MAPT: variants seen among roughly 807,000 people sequenced by gnomAD.
MAPT encodes microtubule-associated protein tau.
A neutral mutation model predicts 67.9 loss-of-function variants in MAPT; 34 were observed. The ratio of observed to expected loss-of-function variants is 0.50; its 90% CI spans 0.38 to 0.67. MAPT has a LOEUF of 0.67. Ranked by LOEUF, MAPT falls within the 30% of genes least tolerant of loss-of-function variation. The probability of loss-of-function intolerance (pLI) is 0.00; values close to 1 mark genes in which losing one functional copy is unlikely to be tolerated. For synonymous variants in MAPT, 456 were observed against 464.5 expected, an observed-to-expected ratio of 0.98 and a Z score of 0.23; for missense variants, 881 against 1,115.2, an observed-to-expected ratio of 0.79 and a Z score of 2.99.
rs143970868 is a variant in MAPT at position 45,938,230 on chromosome 17, G to A, written c.-17-24091G>A. 1.6e-3 allele frequency among the ~76,000 whole-genome samples: 241 copies of A among 152,342 alleles called. 1 individual carries two copies. Among genetic ancestry groups the A allele is most frequent in the South Asian group, 0.012 (57 of 4,828 alleles). ...TGGGCTGAAATCAAGGTTTTGGCAA[G>A]GTTGCGGTCCTTTCTGGAGGGTCCA... is the stretch of plus-strand genomic sequence containing the variant. On this transcript the variant is annotated intron_variant, in intron 1 of 12. Coordinates refer to ENST00000262410, the MANE Select transcript of MAPT (RefSeq NM_001377265.1).
Position 45,919,208 on chromosome 17 carries a change from G to C in MAPT, c.-18+24522G>C, listed in dbSNP as rs111788783. On this transcript the variant is annotated intron_variant, in intron 1 of 12. Coordinates refer to ENST00000262410, the MANE Select transcript of MAPT (RefSeq NM_001377265.1). The stretch of plus-strand genomic sequence containing the variant: ...TGTTGCTGCAGCACCGCTCAGCCCT[G>C]CCTGCTCCCTACCTGCCTCCCCTCG... Among the ~76,000 whole-genome samples the C allele has an allele frequency of 7.7e-3, 1,171 of 152,268 alleles. 24 individuals are homozygous for C. Among genetic ancestry groups the C allele is most frequent in the African/African-American group, 0.027 (1,113 of 41,566 alleles).
At chr17:45,916,251 G>C (rs1430895875) in intron 1 of MAPT, among the ~76,000 whole-genome samples, 1 of 152,230 alleles carries the variant, frequency 6.6e-6, no homozygotes, top group East Asian at 1.9e-4. Context: ...CACTGGTCCT[G>C]AGAGGGCTCA....
At chr17:45,945,203 G>A (rs949559081) in intron 1 of MAPT, among the ~76,000 whole-genome samples, 1 of 152,168 alleles carries the variant, frequency 6.6e-6, no homozygotes, top group Admixed American at 6.6e-5. Flanking sequence ...CCTCAGCCTG[G>A]GCAGCTGAAC....
chr17:45,940,771 C>T (rs1435346633), intron 1 of MAPT, among the ~76,000 whole-genome samples: 1 of 152,080 alleles, frequency 6.6e-6, no homozygotes, highest in African/African-American at 2.4e-5. Context: ...AATTTTCTGT[C>T]ACTCAGAGGA....
intron 2 of MAPT, among the ~76,000 whole-genome samples, chr17:45,966,173 G>A (rs928075010): frequency 6.6e-6 from 1 of 152,222 alleles, no homozygotes; most frequent in Non-Finnish European, 1.5e-5. Flanking sequence ...TGCAACAAAT[G>A]TACCATGATC....
Position 46,002,116 on chromosome 17 carries a change from C to T in MAPT, c.1998+5452C>T, listed in dbSNP as rs192516743. ...AGCACTAAGGGGTGTGAAGCTTGAG[C>T]GCTAGGAGAGTTCACACTGGCAGAA... On this transcript the variant is annotated intron_variant, in intron 9 of 12. Transcript: ENST00000262410. 1.5e-3 allele frequency among the ~76,000 whole-genome samples: 229 copies of T among 152,244 alleles called. 1 individual carries two copies. Among genetic ancestry groups the T allele is most frequent in the Non-Finnish European group, 1.2e-4 (8 of 68,018 alleles).
At chr17:45,991,658 C>G in intron 8 of MAPT, 72 bp downstream of exon 8, 1 of 1,608,388 alleles carries the variant, frequency 6.2e-7, no homozygotes, top group Non-Finnish European at 8.5e-7. Context: ...TTTTAGGAGG[C>G]CTTAGGCCAC....
intron 1 of MAPT, among the ~76,000 whole-genome samples, chr17:45,941,398 G>A (rs2435205): frequency 0.67 from 101,378 of 151,768 alleles, 34,549 homozygotes; most frequent in African/African-American, 0.81. Context: ...TGTGGAGGGC[G>A]TAGCACAGAG....
rs899291077 is a variant in MAPT at position 45,982,962 on chromosome 17, C to G, written c.383C>G (p.Ala128Gly). 9.8e-6 allele frequency: 14 copies of G among 1,432,836 alleles called. No individual in the cohort carries two copies. Among genetic ancestry groups the G allele is most frequent in the African/African-American group, 2.9e-5 (2 of 69,660 alleles). 88.8% of individuals were successfully genotyped at this position (1,432,836 alleles called of 1,614,324 possible). The change falls in exon 5 of 13, where the codon GCC (alanine) becomes GGC (glycine). Residue 128 changes from alanine (A) to glycine (G), a missense_variant. This residue lies in a region of MAPT where 687 missense variants were observed against 766.1 expected (regional missense o/e 0.90). Coordinates refer to ENST00000262410, the MANE Select transcript of MAPT (RefSeq NM_001377265.1). ...GTCCAGCCTGGACCCTGCGGAGAGGCCTCTGGGGTCTCTGGGCCGTGCCTC... is the reference window on the plus strand; with the variant it reads ...GTCCAGCCTGGACCCTGCGGAGAGGGCTCTGGGGTCTCTGGGCCGTGCCTC... ...AHVQPGPCGEASGVSGPCLGE... is the reference protein window; with the variant it reads ...AHVQPGPCGEGSGVSGPCLGE...
intron 1 of MAPT, among the ~76,000 whole-genome samples, chr17:45,944,517 C>T (rs1374764769): frequency 6.6e-6 from 1 of 152,216 alleles, no homozygotes; most frequent in Non-Finnish European, 1.5e-5. Context: ...ATCGTGAGTC[C>T]TGGCTTCATG....
intron 12 of MAPT, among the ~76,000 whole-genome samples, chr17:46,021,995 A>G (rs1197669474): frequency 6.6e-6 from 1 of 152,244 alleles, no homozygotes; most frequent in Non-Finnish European, 1.5e-5. Context: ...ATGTCTTAAA[A>G]AACACTTCAA....
chr17:46,023,876 C>A, intron 12 of MAPT, 80 bp from the exon 13 acceptor site: 1 of 1,232,086 alleles, frequency 8.1e-7, no homozygotes, highest in Non-Finnish European at 1.2e-6. Context: ...GCACTCTGGG[C>A]CAGGCCTGGC....
Position 46,024,467 on chromosome 17 carries a change from T to C in MAPT, c.*296T>C. The C allele has an allele frequency of 2.0e-6, 1 of 495,042 alleles. No individual in the cohort carries two copies. Among genetic ancestry groups the C allele is most frequent in the Non-Finnish European group, 3.7e-6 (1 of 271,412 alleles). The allele number at this position is 495,042 out of a possible 1,614,324, so 30.7% of individuals were successfully genotyped here. A position where few individuals can be genotyped will look rare whatever the true frequency, so the allele number is the denominator to read the frequency against. On this transcript the variant is annotated 3_prime_UTR_variant, in exon 13 of 13. Coordinates refer to ENST00000262410, the MANE Select transcript of MAPT (RefSeq NM_001377265.1). ...TCCAACATTTCCTCAGGCAATTCCT[T>C]TTGATTCTTTTTTCTTCCCCCTCCA...
intron 3 of MAPT, chr17:45,974,475 A>G (rs1354911802): frequency 6.3e-7 from 1 of 1,599,074 alleles, no homozygotes; most frequent in Admixed American, 1.7e-5. Context: ...ACCACAGGTG[A>G]GGGTAAGCCC....
chr17:45,948,668 T>C (rs1384884690), intron 1 of MAPT, among the ~76,000 whole-genome samples: 3 of 152,238 alleles, frequency 2.0e-5, no homozygotes, highest in African/African-American at 7.2e-5. Flanking sequence ...CTGTGTGACC[T>C]TGGGCAACTT....
At chr17:46,008,292 G>A (rs1333184731) in intron 9 of MAPT, among the ~76,000 whole-genome samples, 2 of 152,252 alleles carry the variant, frequency 1.3e-5, no homozygotes, top group African/African-American at 4.8e-5. Flanking sequence ...GTTTCACCAC[G>A]TTGGCCAGGC....
chr17:45,924,655 G>T (rs1392156384), intron 1 of MAPT, among the ~76,000 whole-genome samples: 1 of 152,132 alleles, frequency 6.6e-6, no homozygotes, highest in African/African-American at 2.4e-5. Context: ...GTCCATAGCC[G>T]CCCATCTCAG....
intron 3 of MAPT, chr17:45,976,635 A>G (rs1329559686): frequency 1.3e-5 from 2 of 152,238 alleles, no homozygotes; most frequent in African/African-American, 4.8e-5. Flanking sequence ...CTTGCTGGAG[A>G]GCACAGGGCC....
Position 46,008,605 on chromosome 17 carries a change from T to C in MAPT, c.1999-1705T>C, listed in dbSNP as rs117550325. ...ATTTTCTAATAAAAATACATAGTCTTTTGAAGGAACATAAAAGATTATGAA... is the reference window on the plus strand; with the variant it reads ...ATTTTCTAATAAAAATACATAGTCTCTTGAAGGAACATAAAAGATTATGAA... On this transcript the variant is annotated intron_variant, in intron 9 of 12. Transcript: ENST00000262410. Among the ~76,000 whole-genome samples the C allele has an allele frequency of 3.6e-3, 546 of 152,304 alleles. 6 individuals are homozygous for C. Among genetic ancestry groups the C allele is most frequent in the Middle Eastern group, 0.014 (4 of 294 alleles).
Sources: allele counts gnomAD v4.1 joint callset (sites outside exome capture counted in the v4.1 genomes callset), GRCh38; gene constraint gnomAD v4.1.1; regional missense constraint gnomAD v4.1.1; transcripts MANE v1.5; gene names NCBI Gene and HGNC (gene_info 2026-07-23, HGNC 2026-07-21).